The following ASIC2 variants were observed in gnomAD, a reference collection of about 807,000 sequenced individuals.
ASIC2 encodes acid-sensing ion channel 2.
In ASIC2, 25 loss-of-function variants were observed where a neutral mutation model predicts 57.3. The ratio of observed to expected loss-of-function variants is 0.44; its 90% CI spans 0.32 to 0.61. The LOEUF (loss-of-function observed/expected upper bound fraction) is 0.61, where lower values mean the gene tolerates loss of function less well. ASIC2 is among the 20% of genes least tolerant of loss of function. The pLI, the probability that ASIC2 is intolerant of heterozygous loss-of-function variation, is 0.06. For synonymous variants in ASIC2, 319 were observed against 307.5 expected (o/e 1.04, Z -0.39); for missense variants, 641 against 738.1 (o/e 0.87, Z 1.52).
chr17:33,937,568 C>A (rs1749150563), intron 1 of ASIC2, among the ~76,000 whole-genome samples: 1 of 152,112 alleles, frequency 6.6e-6, no homozygotes, highest in African/African-American at 2.4e-5. Flanking sequence ...CAGAGTACTC[C>A]TTAAGTGGGT....
At chr17:33,642,381 C>T (rs1306539442) in intron 1 of ASIC2, among the ~76,000 whole-genome samples, 1 of 152,096 alleles carries the variant, frequency 6.6e-6, no homozygotes, top group Non-Finnish European at 1.5e-5. Flanking sequence ...AGCAAAGGGC[C>T]CTTGAGTACC....
At chr17:34,138,678 A>G (rs1246005361) in intron 1 of ASIC2, among the ~76,000 whole-genome samples, 1 of 152,126 alleles carries the variant, frequency 6.6e-6, no homozygotes, top group East Asian at 1.9e-4. Context: ...CTGAGCAATA[A>G]AGAGTCCCAC....
intron 1 of ASIC2, among the ~76,000 whole-genome samples, chr17:34,148,164 GAGAA>G (rs1216345281): frequency 3.9e-5 from 6 of 152,188 alleles, no homozygotes; most frequent in Non-Finnish European, 8.8e-5. Context: ...AAATCTTCCA[GAGAA>G]AGAGACACAG....
At chr17:33,272,245 G>T (rs532211777) in intron 1 of ASIC2, among the ~76,000 whole-genome samples, 1 of 152,270 alleles carries the variant, frequency 6.6e-6, no homozygotes, top group South Asian at 2.1e-4. Flanking sequence ...ATTATCATCT[G>T]AAATTATGGC....
chr17:33,736,009 G>A (rs774120334), intron 1 of ASIC2, among the ~76,000 whole-genome samples: 5 of 152,090 alleles, frequency 3.3e-5, no homozygotes, highest in Non-Finnish European at 7.4e-5. Context: ...GTCTCTGCTT[G>A]TTCAGTGACT....
intron 3 of ASIC2, 130 bp from the exon 4 acceptor site, chr17:33,028,522 G>T: frequency 1.7e-6 from 2 of 1,146,816 alleles, no homozygotes; most frequent in Non-Finnish European, 2.4e-6. Flanking sequence ...TCAACATCTG[G>T]CTCCAATACT....
intron 1 of ASIC2, among the ~76,000 whole-genome samples, chr17:33,614,381 T>C (rs943335891): frequency 2.0e-5 from 3 of 152,174 alleles, no homozygotes; most frequent in Admixed American, 6.5e-5. Flanking sequence ...ACTGATTGCT[T>C]ACCTGGTGGG....
chr17:33,013,915 C>T lies in ASIC2; in HGVS notation c.*50G>A, dbSNP rs1159437699. The T allele has an allele frequency of 6.9e-6, 10 of 1,458,486 alleles. No homozygotes were observed. In the South Asian group the frequency reaches 1.1e-4, roughly 16 times the overall value. The allele number at this position is 1,458,486 out of a possible 1,614,324, so 90.3% of individuals were successfully genotyped here. On this transcript the variant is annotated 3_prime_UTR_variant, in exon 10 of 10. Transcript: ENST00000225823. ...GAGCTTGCTGTTCCTTGTCCTGGGT[C>T]TTGGGCCTCAAGGTCTGTTTGGAGG...
intron 1 of ASIC2, among the ~76,000 whole-genome samples, chr17:33,806,053 C>T (rs967871813): frequency 2.0e-5 from 3 of 152,068 alleles, no homozygotes; most frequent in Admixed American, 2.0e-4. Context: ...TCACTCATTC[C>T]CATGGGGGCC....
intron 1 of ASIC2, among the ~76,000 whole-genome samples, chr17:34,111,864 T>C (rs2142111664): frequency 6.6e-6 from 1 of 152,318 alleles, no homozygotes; most frequent in African/African-American, 2.4e-5. Context: ...CAATGGATTA[T>C]TTTTCCATCT....
chr17:33,808,093 A>G lies in ASIC2; in HGVS notation c.555+347885T>C, dbSNP rs1384865735. ...ATTGATTGTGCCTTTGGTGTTACAT[A>G]TAAAAAGTCATTGCCAAGTCCTAGG... On this transcript the variant is annotated intron_variant, in intron 1 of 9. Coordinates refer to the ASIC2 transcript ENST00000359872. Among the ~76,000 whole-genome samples the G allele has an allele frequency of 5.3e-5, 8 of 152,228 alleles. No homozygotes were observed. The East Asian group carries it at 1.5e-3, about 29-fold the overall frequency.
intron 8 of ASIC2, among the ~76,000 whole-genome samples, chr17:33,017,086 G>A (rs1195655684): frequency 6.6e-6 from 1 of 152,238 alleles, no homozygotes; most frequent in African/African-American, 2.4e-5. Flanking sequence ...CGGCTGGCGT[G>A]CCCTGCTGTC....
chr17:33,219,611 C>G (rs1907620900), intron 1 of ASIC2, among the ~76,000 whole-genome samples: 1 of 152,148 alleles, frequency 6.6e-6, no homozygotes, highest in South Asian at 2.1e-4. Context: ...TAGTCTTAAG[C>G]CCCTGCATTT....
At chr17:33,408,746 A>T (rs1180388787) in intron 1 of ASIC2, among the ~76,000 whole-genome samples, 2 of 152,196 alleles carry the variant, frequency 1.3e-5, no homozygotes, top group African/African-American at 4.8e-5. Context: ...CACCAATCTG[A>T]TCTTTGCAAA....
At chr17:33,877,949 A>G (rs573006129) in intron 1 of ASIC2, among the ~76,000 whole-genome samples, 1 of 152,338 alleles carries the variant, frequency 6.6e-6, no homozygotes, top group East Asian at 1.9e-4. Context: ...TTGCTGTTCA[A>G]CAATATCCGC....
intron 1 of ASIC2, among the ~76,000 whole-genome samples, chr17:33,875,826 G>C (rs949459787): frequency 5.3e-5 from 8 of 151,910 alleles, no homozygotes; most frequent in Non-Finnish European, 1.0e-4. Flanking sequence ...TCCTTGAAAG[G>C]GTAAAGGACC....
intron 1 of ASIC2, among the ~76,000 whole-genome samples, chr17:33,311,362 C>T (rs982988294): frequency 7.9e-5 from 12 of 151,922 alleles, no homozygotes; most frequent in Non-Finnish European, 1.2e-4. Context: ...ATGTACCACC[C>T]CATGTACATT....
In ASIC2 at chr17:33,485,998, C is replaced by T. The variant is rs553099924; in HGVS notation, c.556-373931G>A. ...CTCTGCTTTGCTGCCACCTTGCCCC[C>T]GCCTCACGGCTGTGCCTATAGCTCA... is the stretch of plus-strand genomic sequence containing the variant. On this transcript the variant is annotated intron_variant, in intron 1 of 9. Transcript: ENST00000359872. Among the ~76,000 whole-genome samples, 65 of 152,310 alleles carry T rather than the reference C, an allele frequency of 4.3e-4. 1 individual carries two copies. The highest frequency in any genetic ancestry group is 6.8e-3 in the Middle Eastern group (2 of 294).
intron 1 of ASIC2, among the ~76,000 whole-genome samples, chr17:33,276,606 C>G (rs923199244): frequency 1.3e-5 from 2 of 152,240 alleles, no homozygotes; most frequent in Non-Finnish European, 2.9e-5. Context: ...AGCTCATCCT[C>G]GCAGGAACTA....
Sources: allele counts gnomAD v4.1 joint callset (sites outside exome capture counted in the v4.1 genomes callset), GRCh38; gene constraint gnomAD v4.1.1; transcripts MANE v1.5; gene names NCBI Gene and HGNC (gene_info 2026-07-23, HGNC 2026-07-21).